Variants in DDAH1 observed in about 807,000 individuals in gnomAD.
The protein encoded by DDAH1 is dimethylarginine dimethylaminohydrolase 1, also known as N(G),N(G)-dimethylarginine dimethylaminohydrolase 1.
A neutral mutation model predicts 28.8 loss-of-function variants in DDAH1; 19 were observed. The ratio of observed to expected loss-of-function variants is 0.66; its 90% confidence interval spans 0.46 to 0.97. The LOEUF is 0.97. Among genes scored for constraint, DDAH1 ranks in the 50% least tolerant of loss-of-function variants. The probability of loss-of-function intolerance (pLI) is 0.00; values close to 1 mark genes in which losing one functional copy is unlikely to be tolerated. For synonymous variants in DDAH1, 153 were observed against 154.4 expected (o/e 0.99, Z 0.07); for missense variants, 326 against 375.9 (o/e 0.87, Z 1.10).
chr1:85,352,031 T>A (rs1649244882), intron 2 of DDAH1, among the ~76,000 whole-genome samples: 1 of 152,198 alleles, frequency 6.6e-6, no homozygotes, highest in South Asian at 2.1e-4. Context: ...ACATTGATAA[T>A]CTCTGATCAG....
At chr1:85,442,133 C>T (rs112174057) in intron 1 of DDAH1, among the ~76,000 whole-genome samples, 1 of 152,176 alleles carries the variant, frequency 6.6e-6, no homozygotes, top group African/African-American at 2.4e-5. Flanking sequence ...CACCCATTCA[C>T]TCATCATTTA....
intron 4 of DDAH1, among the ~76,000 whole-genome samples, chr1:85,331,655 T>G (rs938563772): frequency 2.0e-5 from 3 of 152,198 alleles, no homozygotes; most frequent in African/African-American, 7.2e-5. Context: ...TGAGCCAATA[T>G]AGCTATGGAT....
intron 1 of DDAH1, among the ~76,000 whole-genome samples, chr1:85,385,894 G>A (rs1237099535): frequency 6.6e-6 from 1 of 152,158 alleles, no homozygotes; most frequent in Non-Finnish European, 1.5e-5. Flanking sequence ...ATGGGAGCAG[G>A]TATAAGCAGA....
intron 1 of DDAH1, among the ~76,000 whole-genome samples, chr1:85,555,318 A>G (rs562542148): frequency 6.6e-6 from 1 of 152,358 alleles, no homozygotes; most frequent in South Asian, 2.1e-4. Flanking sequence ...ACTTCCATAC[A>G]TTTATCGTCT....
At chr1:85,561,463 T>A (rs1659139387) in intron 1 of DDAH1, among the ~76,000 whole-genome samples, 1 of 152,054 alleles carries the variant, frequency 6.6e-6, no homozygotes, top group South Asian at 2.1e-4. Flanking sequence ...CTACTTTAGT[T>A]CTACCCTATC....
intron 1 of DDAH1, among the ~76,000 whole-genome samples, chr1:85,528,263 C>A (rs540961559): frequency 6.6e-6 from 1 of 151,558 alleles, no homozygotes; most frequent in Non-Finnish European, 1.5e-5. Context: ...CTACCCTTAC[C>A]AAGTGTGATG....
intron 1 of DDAH1, among the ~76,000 whole-genome samples, chr1:85,442,386 C>A (rs1350635607): frequency 6.6e-6 from 1 of 152,256 alleles, no homozygotes; most frequent in African/African-American, 2.4e-5. Context: ...GCATAGTATT[C>A]CATGGTGTAT....
intron 2 of DDAH1, 53 bp downstream of exon 2, chr1:85,358,695 A>C: frequency 7.8e-7 from 1 of 1,284,006 alleles, no homozygotes. Flanking sequence ...ACAAGTAAAT[A>C]CAAGCCAAGT....
At chr1:85,575,235 A>C (rs1659569315) in intron 1 of DDAH1, among the ~76,000 whole-genome samples, 1 of 151,610 alleles carries the variant, frequency 6.6e-6, no homozygotes, top group Non-Finnish European at 1.5e-5. Flanking sequence ...TGTTACAAAA[A>C]AACAAAACAA....
intron 1 of DDAH1, among the ~76,000 whole-genome samples, chr1:85,436,951 A>C (rs1445913930): frequency 1.3e-5 from 2 of 152,214 alleles, no homozygotes; most frequent in Non-Finnish European, 2.9e-5. Context: ...CAAATTCTTA[A>C]GACATTCTTC....
Position 85,370,654 on chromosome 1 carries a change from G to A in DDAH1, c.304-11807C>T, listed in dbSNP as rs189543816. Among the ~76,000 whole-genome samples the A allele has an allele frequency of 1.2e-3, 184 of 152,300 alleles. 1 individual carries two copies. The highest frequency in any genetic ancestry group is 4.1e-3 in the African/African-American group (170 of 41,560). ...TGTGGTGACAGTGGAGACAAAGAAA[G>A]TGCTGAATTTGGAATGTGTTCTGGA... On this transcript the variant is annotated intron_variant, in intron 1 of 5. Coordinates refer to ENST00000284031, the MANE Select transcript of DDAH1 (RefSeq NM_012137.4).
intron 1 of DDAH1, among the ~76,000 whole-genome samples, chr1:85,523,933 G>A (rs1315564149): frequency 1.3e-5 from 2 of 151,964 alleles, no homozygotes; most frequent in African/African-American, 2.4e-5. Flanking sequence ...GTTAGCAATC[G>A]AATTTTTTGC....
At chr1:85,388,698 G>A (rs556294331) in intron 1 of DDAH1, among the ~76,000 whole-genome samples, 2 of 152,318 alleles carry the variant, frequency 1.3e-5, no homozygotes, top group South Asian at 4.1e-4. Context: ...GTAGCACCCA[G>A]TAAATCCTAG....
At chr1:85,328,536 T>C (rs1647560936) in intron 4 of DDAH1, among the ~76,000 whole-genome samples, 1 of 152,212 alleles carries the variant, frequency 6.6e-6, no homozygotes, top group Admixed American at 6.5e-5. Flanking sequence ...TATTATGTGC[T>C]GTTGAGGGTG....
At chr1:85,458,771 T>C (rs1048541732) in intron 1 of DDAH1, among the ~76,000 whole-genome samples, 1 of 152,182 alleles carries the variant, frequency 6.6e-6, no homozygotes, top group Non-Finnish European at 1.5e-5. Context: ...GATTCAGTTA[T>C]GTAAGTAAAT....
intron 1 of DDAH1, among the ~76,000 whole-genome samples, chr1:85,519,487 A>T (rs1455587167): frequency 5.3e-5 from 8 of 152,262 alleles, no homozygotes; most frequent in African/African-American, 1.7e-4. Context: ...TTTCATATTT[A>T]AAGTGGCAGC....
intron 1 of DDAH1, among the ~76,000 whole-genome samples, chr1:85,561,222 C>A (rs1247649152): frequency 6.6e-6 from 1 of 151,942 alleles, no homozygotes; most frequent in Non-Finnish European, 1.5e-5. Context: ...GTGCCTACCT[C>A]AAAGAGTTAT....
At chr1:85,341,470 T>C (rs1452611273) in intron 4 of DDAH1, among the ~76,000 whole-genome samples, 3 of 152,242 alleles carry the variant, frequency 2.0e-5, no homozygotes, top group Non-Finnish European at 4.4e-5. Flanking sequence ...TTGGAATCTT[T>C]CTGTGGTTTT....
intron 4 of DDAH1, among the ~76,000 whole-genome samples, chr1:85,326,209 G>C (rs1419624812): frequency 6.6e-6 from 1 of 152,142 alleles, no homozygotes; most frequent in Non-Finnish European, 1.5e-5. Flanking sequence ...GGTGGAGAGA[G>C]GCCAAGAGCA....
Sources: allele counts gnomAD v4.1 joint callset (sites outside exome capture counted in the v4.1 genomes callset), GRCh38; gene constraint gnomAD v4.1.1; transcripts MANE v1.5; gene names NCBI Gene and HGNC (gene_info 2026-07-23, HGNC 2026-07-21).